P2RY8: variants seen among roughly 807,000 people sequenced by gnomAD.
The protein encoded by P2RY8 is S-geranylgeranyl-glutathione receptor P2RY8.
In P2RY8, 6 loss-of-function variants were observed where a neutral mutation model predicts 10.0. That is an observed-to-expected ratio of 0.60 (90% confidence interval 0.33 to 1.19). The LOEUF is 1.19. Ranked by LOEUF, P2RY8 falls within the 50% of genes most tolerant of loss-of-function variation. P2RY8 has a pLI of 0.04. For missense variants in P2RY8, 456 were observed against 542.0 expected (o/e 0.84, Z 1.58); for synonymous variants, 276 against 252.5 (o/e 1.09, Z -0.88).
At chrX:1,498,299 G>A (rs61001419) in intron 1 of P2RY8, among the ~76,000 whole-genome samples, 54,451 of 148,798 alleles carry the variant, frequency 0.37, 10,275 homozygotes, top group Middle Eastern at 0.55. Context: ...CCAGCTACTC[G>A]GGAGGCTGAG....
chrX:1,529,158 A>G (rs1365482660), intron 1 of P2RY8, among the ~76,000 whole-genome samples: 1 of 152,092 alleles, frequency 6.6e-6, no homozygotes, highest in Non-Finnish European at 1.5e-5. Flanking sequence ...TTCCCCTGAG[A>G]CCTGACCTGC....
At chrX:1,498,502 C>A (rs2092142140) in intron 1 of P2RY8, among the ~76,000 whole-genome samples, 1 of 148,534 alleles carries the variant, frequency 6.7e-6, no homozygotes, top group African/African-American at 2.4e-5. Context: ...CACTATGGGA[C>A]CTGCAACAGC....
Position 1,462,860 on chromosome X carries a change from T to G in P2RY8, c.*2619A>C. ...GAGTCAATAGACCTGTGTTATCTTTTCACTCAAAGCTCAACCAGTGAACAG... is the reference window on the plus strand; with the variant it reads ...GAGTCAATAGACCTGTGTTATCTTTGCACTCAAAGCTCAACCAGTGAACAG... On this transcript the variant is annotated 3_prime_UTR_variant, in exon 2 of 2. Coordinates refer to ENST00000381297, the MANE Select transcript of P2RY8 (RefSeq NM_178129.5). 4.3e-6 allele frequency: 1 copy of G among 232,972 alleles called. No individual in the cohort carries two copies. The highest frequency in any genetic ancestry group is 8.5e-6 in the Non-Finnish European group (1 of 117,906). The allele number at this position is 232,972 out of a possible 1,614,324, so 14.4% of individuals were successfully genotyped here.
At chrX:1,524,372 CTCA>C (rs2092414533) in intron 1 of P2RY8, among the ~76,000 whole-genome samples, 1 of 102,158 alleles carries the variant, frequency 9.8e-6, no homozygotes, top group Non-Finnish European at 2.2e-5. Context: ...CATCCATCCA[CTCA>C]TCCATCCATC....
At chrX:1,469,524 G>C (rs1450770316) in intron 1 of P2RY8, among the ~76,000 whole-genome samples, 2 of 152,044 alleles carry the variant, frequency 1.3e-5, no homozygotes, top group African/African-American at 4.8e-5. Context: ...TGGCAGCAAT[G>C]CATCCAGCAA....
At chrX:1,478,273 G>GTGTGTGTGTGTGTGTGCA (rs539376483) in intron 1 of P2RY8, among the ~76,000 whole-genome samples, 11,745 of 133,150 alleles carry the variant, frequency 0.088, 664 homozygotes, top group South Asian at 0.19. Context: ...GTGTGTGTGT[G>GTGTGTGTGTGTGTGTGCA]CCCAGCAGGG....
At chrX:1,534,106 A>G (rs1210560659) in intron 1 of P2RY8, among the ~76,000 whole-genome samples, 1 of 129,390 alleles carries the variant, frequency 7.7e-6, no homozygotes, top group South Asian at 2.2e-4. Context: ...ATTTATATAT[A>G]ATATATTTAC....
rs2092238623 is a variant in P2RY8 at position 1,506,847 on chromosome X, T to A, written c.-25+30074A>T. ...CACCCGCCACCACGCCCGGCTAATTTTTGTATTTTTAGTAGAGACGGGGTT... is the reference window on the plus strand; with the variant it reads ...CACCCGCCACCACGCCCGGCTAATTATTGTATTTTTAGTAGAGACGGGGTT... On this transcript the variant is annotated intron_variant, in intron 1 of 1. Transcript: ENST00000381297. Among the ~76,000 whole-genome samples the A allele has an allele frequency of 1.3e-5, 2 of 151,806 alleles. 1 individual carries two copies. Among genetic ancestry groups the A allele is most frequent in the South Asian group, 4.2e-4 (2 of 4,800 alleles).
intron 1 of P2RY8, among the ~76,000 whole-genome samples, chrX:1,520,027 T>G (rs1426229616): frequency 1.3e-5 from 2 of 149,558 alleles, no homozygotes; most frequent in African/African-American, 4.9e-5. Context: ...TGGTCCTCAA[T>G]CATCTCTCTC....
At chrX:1,513,070 G>C (rs1405076959) in intron 1 of P2RY8, among the ~76,000 whole-genome samples, 3 of 140,062 alleles carry the variant, frequency 2.1e-5, no homozygotes, top group Non-Finnish European at 4.5e-5. Context: ...CCCTCCCTGT[G>C]TCTGTGTGTT....
chrX:1,524,645 A>ATCCATCCATCCATC (rs1569538712), intron 1 of P2RY8, among the ~76,000 whole-genome samples: 2 of 42,222 alleles, frequency 4.7e-5, no homozygotes, highest in Non-Finnish European at 4.6e-5. Context: ...ATCCATCCAT[A>ATCCATCCATCCATC]CATCCATCCA....
intron 1 of P2RY8, among the ~76,000 whole-genome samples, chrX:1,534,699 C>T (rs2092511643): frequency 6.6e-6 from 1 of 152,100 alleles, no homozygotes; most frequent in Non-Finnish European, 1.5e-5. Context: ...AGGAGAGAGA[C>T]TCAGACGAGA....
rs752162541 is a variant in P2RY8, at chrX:1,466,114, G to C, written c.445C>G (p.Leu149Val). The C allele has an allele frequency of 5.6e-6, 9 of 1,611,768 alleles. No individual in the cohort carries two copies. The Admixed American group carries it at 1.5e-4, about 27-fold the overall frequency. Reference sequence around the variant, plus strand: ...GGGGACAGGGCGGTCAGGAGCAGCAGCCAGGTCCCTGCACACGCGGCCACC... The same window carrying C: ...GGGGACAGGGCGGTCAGGAGCAGCACCCAGGTCCCTGCACACGCGGCCACC... ...YAVAACAGTW[L>V]LLLTALSPLA... The change falls in exon 2 of 2, where the codon CTG becomes GTG. Residue 149 changes from leucine (L) to valine (V), a missense_variant. Physicochemically the swap from Leu to Val is conservative, Grantham distance 32 (BLOSUM62 1). Coordinates refer to ENST00000381297, the MANE Select transcript of P2RY8 (RefSeq NM_178129.5).
At chrX:1,495,014 G>A (rs192897368) in intron 1 of P2RY8, among the ~76,000 whole-genome samples, 7 of 152,132 alleles carry the variant, frequency 4.6e-5, no homozygotes, top group South Asian at 2.1e-4. Context: ...CACTGCGCCC[G>A]GCTGCGTATT....
intron 1 of P2RY8, among the ~76,000 whole-genome samples, chrX:1,529,711 A>G (rs1319640088): frequency 6.6e-6 from 1 of 152,048 alleles, no homozygotes; most frequent in Non-Finnish European, 1.5e-5. Flanking sequence ...ATTTATCTAT[A>G]TATCATATCT....
Position 1,498,288 on chromosome X carries a change from C to T in P2RY8, c.-24-31706G>A, listed in dbSNP as rs1484759158. 8.0e-5 allele frequency among the ~76,000 whole-genome samples: 12 copies of T among 150,752 alleles called. 1 individual carries two copies. The highest frequency in any genetic ancestry group is 6.3e-4 in the South Asian group (3 of 4,736). ...GGGTGTGGTGGCGGGTGCCTGTAGTCCCAGCTACTCGGGAGGCTGAGGCAG... is the reference window on the plus strand; with the variant it reads ...GGGTGTGGTGGCGGGTGCCTGTAGTTCCAGCTACTCGGGAGGCTGAGGCAG... On this transcript the variant is annotated intron_variant, in intron 1 of 1. Transcript: ENST00000381297.
chrX:1,472,187 G>T (rs1376847675), intron 1 of P2RY8, among the ~76,000 whole-genome samples: 3 of 151,984 alleles, frequency 2.0e-5, no homozygotes, highest in Non-Finnish European at 2.9e-5. Flanking sequence ...TAGAAATAGG[G>T]TCTGCGTCTA....
chrX:1,486,951 C>T (rs1225538439), intron 1 of P2RY8, among the ~76,000 whole-genome samples: 11 of 152,238 alleles, frequency 7.2e-5, no homozygotes, highest in Non-Finnish European at 1.3e-4. Flanking sequence ...CTCCCCGGGA[C>T]AGGGCAGCCC....
chrX:1,479,019 C>T (rs1260933576), intron 1 of P2RY8, among the ~76,000 whole-genome samples: 1 of 152,216 alleles, frequency 6.6e-6, no homozygotes, highest in Non-Finnish European at 1.5e-5. Context: ...GATGCAACCT[C>T]TTCTGAACTT....
Sources: gnomAD v4.1 joint callset for allele counts (sites outside exome capture counted in the v4.1 genomes callset) on GRCh38, gnomAD v4.1.1 for gene constraint, MANE v1.5 for transcripts, NCBI Gene and HGNC (gene_info 2026-07-23, HGNC 2026-07-21) for gene names.